GRIK1: variants seen among roughly 807,000 people sequenced by gnomAD.
GRIK1 encodes glutamate ionotropic receptor kainate type subunit 1.
GRIK1 carries 69 observed loss-of-function variants against 105.7 expected under a neutral mutation model. The observed-to-expected ratio is 0.65, with a 90% CI of 0.54 to 0.80. The LOEUF is 0.80. GRIK1 is among the 30% of genes least tolerant of loss of function. The pLI is 0.00. For synonymous variants in GRIK1, 438 were observed against 431.3 expected, an observed-to-expected ratio of 1.02 and a Z score of -0.19; for missense variants, 1,109 against 1,167.3, an observed-to-expected ratio of 0.95 and a Z score of 0.73.
intron 1 of GRIK1, among the ~76,000 whole-genome samples, chr21:29,916,309 C>T (rs1238920118): frequency 5.3e-5 from 8 of 151,786 alleles, no homozygotes; most frequent in African/African-American, 1.7e-4. Context: ...ACAGAATAGA[C>T]ACTAAATAAA....
chr21:29,683,360 G>A (rs567834662), intron 3 of GRIK1, among the ~76,000 whole-genome samples: 44 of 152,152 alleles, frequency 2.9e-4, no homozygotes, highest in Non-Finnish European at 5.0e-4. Flanking sequence ...AATAGCAAAG[G>A]CATGGAATCA....
intron 1 of GRIK1, among the ~76,000 whole-genome samples, chr21:29,914,817 T>C (rs1174402338): frequency 6.6e-6 from 1 of 151,932 alleles, no homozygotes; most frequent in Non-Finnish European, 1.5e-5. Context: ...GTTTTGTGGG[T>C]GCAAAAAAAA....
At chr21:29,896,705 A>T (rs458876) in intron 1 of GRIK1, among the ~76,000 whole-genome samples, 33,632 of 152,090 alleles carry the variant, frequency 0.22, 4,256 homozygotes, top group African/African-American at 0.34. Flanking sequence ...CTACAGAGGA[A>T]GCCTAAGAGA....
intron 1 of GRIK1, among the ~76,000 whole-genome samples, chr21:29,784,614 A>T (rs2066210836): frequency 6.6e-6 from 1 of 152,194 alleles, no homozygotes; most frequent in Admixed American, 6.5e-5. Context: ...TATGTATGAC[A>T]TACACAGAAA....
intron 1 of GRIK1, among the ~76,000 whole-genome samples, chr21:29,928,414 G>A (rs2071456825): frequency 6.6e-6 from 1 of 152,182 alleles, no homozygotes; most frequent in Non-Finnish European, 1.5e-5. Context: ...GTCATGGTAG[G>A]AGGACAATAA....
intron 3 of GRIK1, among the ~76,000 whole-genome samples, chr21:29,677,935 A>C (rs1213237973): frequency 1.3e-5 from 2 of 152,186 alleles, no homozygotes; most frequent in African/African-American, 4.8e-5. Flanking sequence ...TCTCTACCTT[A>C]CACCGCAGTC....
At chr21:29,917,312 T>C (rs2146312585) in intron 1 of GRIK1, among the ~76,000 whole-genome samples, 1 of 152,210 alleles carries the variant, frequency 6.6e-6, no homozygotes, top group South Asian at 2.1e-4. Flanking sequence ...GAGAAATGAA[T>C]AATTAAGCAT....
At chr21:29,748,109 T>A (rs560470798) in intron 1 of GRIK1, 1 of 152,346 alleles carries the variant, frequency 6.6e-6, no homozygotes, top group African/African-American at 2.4e-5. Context: ...AGTTCTTGGG[T>A]TTATTTACAT....
At chr21:29,663,207 G>T (rs778845162) in intron 4 of GRIK1, among the ~76,000 whole-genome samples, 3 of 152,192 alleles carry the variant, frequency 2.0e-5, no homozygotes, top group Non-Finnish European at 2.9e-5. Context: ...GGAGGTGCAA[G>T]TGGCAGGAAA....
chr21:29,937,537 A>G (rs1905858105), intron 1 of GRIK1, among the ~76,000 whole-genome samples: 1 of 152,162 alleles, frequency 6.6e-6, no homozygotes, highest in Admixed American at 6.5e-5. Context: ...AAATACTGAG[A>G]TCTGTGAACA....
intron 7 of GRIK1, among the ~76,000 whole-genome samples, chr21:29,641,964 C>T (rs1329444750): frequency 2.0e-5 from 3 of 152,106 alleles, no homozygotes; most frequent in Non-Finnish European, 4.4e-5. Flanking sequence ...CATCCTTCTC[C>T]AGTACAGAAA....
rs185843290 is a variant in GRIK1 at position 29,812,098 on chromosome 21, G to C, written c.119-118035C>G. Among the ~76,000 whole-genome samples, 182 of 152,246 alleles carry C rather than the reference G, an allele frequency of 1.2e-3. 1 individual carries two copies. The highest frequency in any genetic ancestry group is 4.4e-3 in the South Asian group (21 of 4,826). Reference sequence around the variant, plus strand: ...GAAATTGACACCTATGTGTGTGTCTGTGTGTGAATATATATGTACGTGTGT... The same window carrying C: ...GAAATTGACACCTATGTGTGTGTCTCTGTGTGAATATATATGTACGTGTGT... On this transcript the variant is annotated intron_variant, in intron 1 of 17. Coordinates refer to ENST00000327783, the MANE Select transcript of GRIK1 (RefSeq NM_001330994.2).
chr21:29,773,992 A>G (rs1471350642), intron 1 of GRIK1, among the ~76,000 whole-genome samples: 1 of 152,142 alleles, frequency 6.6e-6, no homozygotes, highest in African/African-American at 2.4e-5. Context: ...TAGCCAGACC[A>G]TATCTCTATG....
intron 9 of GRIK1, among the ~76,000 whole-genome samples, chr21:29,595,431 A>G (rs77763752): frequency 0.012 from 1,873 of 151,150 alleles, 43 homozygotes; most frequent in African/African-American, 0.043. Context: ...CGCCTTCTAC[A>G]TGCACTTAGT....
chr21:29,785,104 G>T (rs2066223713), intron 1 of GRIK1, among the ~76,000 whole-genome samples: 1 of 152,066 alleles, frequency 6.6e-6, no homozygotes, highest in Admixed American at 6.6e-5. Context: ...AGTTTTTCTG[G>T]TGCATTTTAA....
chr21:29,767,253 T>C (rs550237195), intron 1 of GRIK1, among the ~76,000 whole-genome samples: 2 of 152,352 alleles, frequency 1.3e-5, no homozygotes, highest in South Asian at 4.1e-4. Context: ...TTTTAAAATA[T>C]CCTGTATGTC....
chr21:29,583,595 T>C (rs147284530), intron 12 of GRIK1, among the ~76,000 whole-genome samples: 18 of 152,334 alleles, frequency 1.2e-4, no homozygotes, highest in Admixed American at 9.2e-4. Context: ...TTTCATACTT[T>C]GCACTTATAA....
chr21:29,776,020 C>T (rs186660582), intron 1 of GRIK1, among the ~76,000 whole-genome samples: 3 of 152,248 alleles, frequency 2.0e-5, no homozygotes, highest in East Asian at 3.9e-4. Flanking sequence ...AGGGAAGCAA[C>T]GCACCTTCTT....
intron 1 of GRIK1, among the ~76,000 whole-genome samples, chr21:29,817,273 C>T (rs1798377119): frequency 6.6e-6 from 1 of 151,844 alleles, no homozygotes; most frequent in South Asian, 2.1e-4. Flanking sequence ...CATAAAACTA[C>T]TCATAAAAGA....
Sources: gnomAD v4.1 joint callset for allele counts (sites outside exome capture counted in the v4.1 genomes callset) on GRCh38, gnomAD v4.1.1 for gene constraint, MANE v1.5 for transcripts, NCBI Gene and HGNC (gene_info 2026-07-23, HGNC 2026-07-21) for gene names.